JAML: variants seen among roughly 807,000 people sequenced by gnomAD.
The protein encoded by JAML is junctional adhesion molecule-like.
JAML carries 25 observed loss-of-function variants against 39.3 expected under a neutral mutation model. That is an observed-to-expected ratio of 0.64 (90% CI 0.46 to 0.89). The LOEUF (loss-of-function observed/expected upper bound fraction) is 0.89, where lower values mean the gene tolerates loss of function less well. JAML is among the 40% of genes least tolerant of loss of function. JAML has a pLI of 0.00. For synonymous variants in JAML, 162 were observed against 179.2 expected (o/e 0.90, Z 0.77); for missense variants, 440 against 486.9 (o/e 0.90, Z 0.91).
chr11:118,214,290 G>A (rs756659441), intron 2 of JAML, among the ~76,000 whole-genome samples: 25 of 152,128 alleles, frequency 1.6e-4, no homozygotes, highest in South Asian at 4.1e-4. Flanking sequence ...TCAGAAGGAA[G>A]TGGAGCATAA....
intron 9 of JAML, among the ~76,000 whole-genome samples, chr11:118,195,544 A>T (rs1004020061): frequency 6.6e-6 from 1 of 151,686 alleles, no homozygotes. Flanking sequence ...CCCTACCCCC[A>T]CTCACTGCAC....
chr11:118,215,449 A>G (rs1949126567), intron 1 of JAML, among the ~76,000 whole-genome samples: 1 of 152,058 alleles, frequency 6.6e-6, no homozygotes, highest in South Asian at 2.1e-4. Context: ...TCCAGGGCTC[A>G]AGCAACCTTC....
intron 8 of JAML, 50 bp downstream of exon 8, chr11:118,197,948 C>T (rs375076633): frequency 5.2e-6 from 8 of 1,539,950 alleles, no homozygotes; most frequent in South Asian, 2.2e-5. Flanking sequence ...GGTATGAGAA[C>T]GGCCCAGGCC....
chr11:118,215,996 T>C (rs919050264), intron 1 of JAML, among the ~76,000 whole-genome samples: 8 of 152,160 alleles, frequency 5.3e-5, no homozygotes, highest in African/African-American at 1.7e-4. Context: ...AGGAAAGATA[T>C]GTTTTTTGCA....
In JAML at chr11:118,210,476, C is replaced by G. The variant is rs1949027109; in HGVS notation, c.424+11G>C. 6.2e-7 allele frequency: 1 copy of G among 1,613,192 alleles called. No homozygotes were observed. Among genetic ancestry groups the G allele is most frequent in the Admixed American group, 1.7e-5 (1 of 59,998 alleles). On this transcript the variant is annotated intron_variant, in intron 4 of 9. Coordinates refer to ENST00000356289, the MANE Select transcript of JAML (RefSeq NM_001098526.2). ...GCCCCTTGGCCCCTCTTTAAGTAAG[C>G]ATTTGCGTACCTTTGGGCTCCTCTG...
At chr11:118,197,951 C>T in intron 8 of JAML, 47 bp downstream of exon 8, 1 of 1,559,026 alleles carries the variant, frequency 6.4e-7, no homozygotes. Flanking sequence ...ATGAGAACGG[C>T]CCAGGCCTGC....
chr11:118,200,951 G>A (rs1002620946), intron 6 of JAML: 1 of 209,326 alleles, frequency 4.8e-6, no homozygotes, highest in Non-Finnish European at 9.9e-6. Context: ...ATCTTCCTTA[G>A]GGCAAGTGGT....
At chr11:118,214,995 A>G (rs1225406368) in intron 1 of JAML, 109 bp from the exon 2 acceptor site, 2 of 916,810 alleles carry the variant, frequency 2.2e-6, no homozygotes, top group African/African-American at 1.7e-5. Context: ...AGACACTGGT[A>G]TGCAGCATTG....
chr11:118,209,833 C>T (rs1471596666), intron 4 of JAML, among the ~76,000 whole-genome samples: 1 of 151,962 alleles, frequency 6.6e-6, no homozygotes, highest in Admixed American at 6.6e-5. Flanking sequence ...GCCATCACAC[C>T]CAGACTTTTT....
chr11:118,221,387 A>G (rs1949207942), intron 1 of JAML, among the ~76,000 whole-genome samples: 2 of 152,132 alleles, frequency 1.3e-5, no homozygotes, highest in South Asian at 4.2e-4. Flanking sequence ...ATGGAAGACA[A>G]TTTTTCCACA....
chr11:118,202,920 T>G (rs1948837724), intron 6 of JAML: 1 of 456,140 alleles, frequency 2.2e-6, no homozygotes, highest in Non-Finnish European at 4.4e-6. Context: ...CTGGCCTTGA[T>G]GCACACTGTT....
intron 8 of JAML, chr11:118,197,296 TG>T (rs1948678713): frequency 6.5e-6 from 1 of 153,802 alleles, no homozygotes; most frequent in Admixed American, 6.5e-5. Context: ...GGCCCATTCT[TG>T]GACCACTGCA....
chr11:118,209,817 G>A (rs987471946), intron 4 of JAML, among the ~76,000 whole-genome samples: 2 of 151,878 alleles, frequency 1.3e-5, no homozygotes, highest in African/African-American at 4.8e-5. Context: ...AGGATTACAG[G>A]CATGAGCCAT....
At chr11:118,212,267 A>C in intron 3 of JAML, 140 bp downstream of exon 3, 1 of 1,017,624 alleles carries the variant, frequency 9.8e-7, no homozygotes, top group Non-Finnish European at 1.4e-6. Flanking sequence ...AGCTAGGACG[A>C]GGCCCAGTTC....
At chr11:118,200,670 C>T in intron 6 of JAML, 58 bp from the exon 7 acceptor site, 1 of 1,600,902 alleles carries the variant, frequency 6.2e-7, no homozygotes, top group Non-Finnish European at 8.5e-7. Flanking sequence ...GAGCTGAGAG[C>T]CCCACAGCCC....
At chr11:118,218,372 C>T (rs1008864360) in intron 1 of JAML, among the ~76,000 whole-genome samples, 1 of 152,218 alleles carries the variant, frequency 6.6e-6, no homozygotes, top group Admixed American at 6.5e-5. Context: ...GGACTACAGG[C>T]GTGAGCTGCT....
At chr11:118,213,150 C>A in intron 2 of JAML, 3 of 1,415,502 alleles carry the variant, frequency 2.1e-6, no homozygotes, top group Middle Eastern at 2.2e-4. Flanking sequence ...CCAGCTTTGC[C>A]ATCAGCTTTC....
intron 1 of JAML, among the ~76,000 whole-genome samples, chr11:118,221,418 G>A (rs1949208283): frequency 6.6e-6 from 1 of 152,186 alleles, no homozygotes; most frequent in Non-Finnish European, 1.5e-5. Flanking sequence ...GGTGGGTGAT[G>A]ATTTGGGGAT....
chr11:118,214,887 C>G lies in JAML; in HGVS notation c.-20-1G>C. 1.2e-6 allele frequency: 2 copies of G among 1,613,578 alleles called. No individual in the cohort carries two copies. Among genetic ancestry groups the G allele is most frequent in the Non-Finnish European group, 1.7e-6 (2 of 1,179,706 alleles). ...AACATGCTGCTCTCAACTTTCAAAT[C>G]TTAAGATAAAAGAACAAAAATCACA... On this transcript the variant is annotated splice_acceptor_variant, in intron 1 of 9. Transcript: ENST00000356289. LOFTEE classifies it low-confidence loss of function (5UTR_SPLICE).
Sources: allele counts gnomAD v4.1 joint callset (sites outside exome capture counted in the v4.1 genomes callset), GRCh38; gene constraint gnomAD v4.1.1; transcripts MANE v1.5; gene names NCBI Gene and HGNC (gene_info 2026-07-23, HGNC 2026-07-21).